Variants in B4GALNT2 observed in about 807,000 individuals in gnomAD.
The protein encoded by B4GALNT2 is N-acetylneuraminylgalactosylglucosyl-glucoside beta-1,4-N- acetylgalactosaminyltransferase 2.
In B4GALNT2, 42 loss-of-function variants were observed where a neutral mutation model predicts 51.1. The ratio of observed to expected loss-of-function variants is 0.82; its 90% CI spans 0.64 to 1.06. The LOEUF (loss-of-function observed/expected upper bound fraction) is 1.06. B4GALNT2 is among the 50% of genes least tolerant of loss of function. The pLI, the probability that B4GALNT2 is intolerant of heterozygous loss-of-function variation, is 0.00. For synonymous variants in B4GALNT2, 253 were observed against 251.7 expected (o/e 1.01, Z -0.05); for missense variants, 602 against 633.6 (o/e 0.95, Z 0.54).
At chr17:49,159,953 C>A (rs1295624569) in intron 6 of B4GALNT2, among the ~76,000 whole-genome samples, 1 of 152,058 alleles carries the variant, frequency 6.6e-6, no homozygotes, top group Admixed American at 6.6e-5. Flanking sequence ...CTTTGTCTCT[C>A]CCCTCCTTCC....
chr17:49,133,935 AAAC>A (rs1163863049), intron 1 of B4GALNT2, among the ~76,000 whole-genome samples: 3 of 141,990 alleles, frequency 2.1e-5, no homozygotes, highest in African/African-American at 9.3e-5. Context: ...CAAACAAAAC[AAAC>A]AAACAAACAA....
chr17:49,168,804 G>C lies in B4GALNT2; in HGVS notation c.1219G>C (p.Val407Leu). Residue 407 changes from valine to leucine, a missense_variant, in exon 10 of 11, where the codon GTG becomes CTG. Transcript: ENST00000393354. ...ACCCCTGGATGGCTTCCCCAGCTGC[G>C]TGGTGACCAGTGGCGTGGTCAACTT... Reference protein sequence around the residue: ...FQPLDGFPSCVVTSGVVNFFL... With the variant: ...FQPLDGFPSCLVTSGVVNFFL... The C allele has an allele frequency of 6.2e-7, 1 of 1,613,986 alleles. No individual in the cohort carries two copies. Among genetic ancestry groups the C allele is most frequent in the South Asian group, 1.1e-5 (1 of 91,072 alleles).
Position 49,176,201 on chromosome 17 carries a change from T to C in B4GALNT2, c.*6473T>C, listed in dbSNP as rs1466995842. On this transcript the variant is annotated 3_prime_UTR_variant, in exon 11 of 11. Coordinates refer to ENST00000393354, the MANE Select transcript of B4GALNT2 (RefSeq NM_001159387.2). Reference sequence around the variant, plus strand: ...GTTCAAGCCCCACGTTGGGCGCCACTTGCCGACACCAGCTCGGTCTTGGAG... The same window carrying C: ...GTTCAAGCCCCACGTTGGGCGCCACCTGCCGACACCAGCTCGGTCTTGGAG... 3 of 152,210 alleles carry C rather than the reference T, an allele frequency of 2.0e-5. No individual in the cohort carries two copies. 9.4% of individuals were successfully genotyped at this position (152,210 alleles called of 1,614,324 possible).
At position 49,173,306 on chromosome 17, in the gene B4GALNT2, T is replaced by C. The variant is rs1480143585; in HGVS notation, c.*3578T>C. The C allele has an allele frequency of 6.6e-6, 1 of 152,238 alleles. No individual in the cohort carries two copies. Among genetic ancestry groups the C allele is most frequent in the Non-Finnish European group, 1.5e-5 (1 of 68,038 alleles). 9.4% of individuals were successfully genotyped at this position (152,238 alleles called of 1,614,324 possible). ...CATGTATGAAGAATCAGAAATCACA[T>C]TGATAGGCCTATTAAAAGCAGTCAA... On this transcript the variant is annotated 3_prime_UTR_variant, in exon 11 of 11. Transcript: ENST00000393354.
upstream of B4GALNT2, chr17:49,132,590 G>C (rs559835288): frequency 2.2e-6 from 1 of 463,070 alleles, no homozygotes; most frequent in African/African-American, 2.0e-5. Flanking sequence ...CCCGATCACC[G>C]GCAGCGGAGG....
intron 1 of B4GALNT2, among the ~76,000 whole-genome samples, chr17:49,135,430 C>G (rs1452220017): frequency 6.6e-6 from 1 of 151,680 alleles, no homozygotes; most frequent in Non-Finnish European, 1.5e-5. Flanking sequence ...AGGTGCGTGC[C>G]ACCATGCCCG....
At chr17:49,133,155 G>GAACT (rs762883007) in intron 1 of B4GALNT2, 40 of 1,532,532 alleles carry the variant, frequency 2.6e-5, no homozygotes, top group Non-Finnish European at 3.3e-5. Context: ...TCTCTGCTTG[G>GAACT]AACTCAGAGG....
upstream of B4GALNT2, among the ~76,000 whole-genome samples, chr17:49,130,935 T>C (rs376218667): frequency 9.2e-5 from 14 of 152,308 alleles, no homozygotes; most frequent in Admixed American, 3.3e-4. Flanking sequence ...TCTTCAGCAT[T>C]TGGGGGTCTC....
chr17:49,168,998 C>T (rs1175393082), intron 10 of B4GALNT2, 98 bp downstream of exon 10: 35 of 1,268,224 alleles, frequency 2.8e-5, no homozygotes, highest in South Asian at 4.3e-5. Flanking sequence ...TGATCATAGT[C>T]GCTTGCCCAG....
chr17:49,162,912 CA>C (rs34568226), intron 7 of B4GALNT2, among the ~76,000 whole-genome samples: 42 of 53,630 alleles, frequency 7.8e-4, no homozygotes, highest in African/African-American at 3.1e-3. Flanking sequence ...GAAACTGTCT[CA>C]AAAAAAAAAA....
At chr17:49,148,118 G>A (rs992498171) in intron 3 of B4GALNT2, among the ~76,000 whole-genome samples, 11 of 151,706 alleles carry the variant, frequency 7.3e-5, no homozygotes, top group Non-Finnish European at 8.8e-5. Flanking sequence ...TGGCCAACAT[G>A]GTGAAACCCT....
upstream of B4GALNT2, among the ~76,000 whole-genome samples, chr17:49,131,462 GAAAAAAAAAAAA>G (rs367790096): frequency 5.0e-5 from 5 of 100,284 alleles, no homozygotes; most frequent in Admixed American, 1.2e-4. Flanking sequence ...CCCAGACTCC[GAAAAAAAAAAAA>G]AAAAAAAAAA....
At position 49,173,222 on chromosome 17, in the gene B4GALNT2, AG is replaced by A. The variant is rs1214675664; in HGVS notation, c.*3495del. 2 of 152,274 alleles carry A rather than the reference AG, an allele frequency of 1.3e-5. No homozygotes were observed. The highest frequency in any genetic ancestry group is 2.9e-5 in the Non-Finnish European group (2 of 68,054). 9.4% of individuals were successfully genotyped at this position (152,274 alleles called of 1,614,324 possible). On this transcript the variant is annotated 3_prime_UTR_variant, in exon 11 of 11. Transcript: ENST00000393354. ...TTGCAATTGGGTAAATAAAGCCATC[AG>A]TTGCTCATCTGTGTGGAATCGTAGT...
intron 1 of B4GALNT2, among the ~76,000 whole-genome samples, chr17:49,138,986 G>A (rs545683084): frequency 4.8e-4 from 73 of 152,288 alleles, no homozygotes; most frequent in African/African-American, 1.7e-3. Flanking sequence ...TTGGCAGGGG[G>A]TCTAGAACAT....
In B4GALNT2 at chr17:49,153,507, A is replaced by ATTTT. The variant is rs569207630; in HGVS notation, c.460+612_460+615dup. On this transcript the variant is annotated intron_variant, in intron 4 of 10. Coordinates refer to ENST00000393354, the MANE Select transcript of B4GALNT2 (RefSeq NM_001159387.2). ...AGCACAAGGCAAGAAGCTTGATGTG[A>ATTTT]TTTTTTTTTTTTTTATTGCGACGGA... 3.3e-3 allele frequency among the ~76,000 whole-genome samples: 487 copies of ATTTT among 146,006 alleles called. 3 individuals carry two copies. Among genetic ancestry groups the ATTTT allele is most frequent in the African/African-American group, 0.011 (436 of 40,056 alleles).
In B4GALNT2 at chr17:49,169,894, A is replaced by G; in HGVS notation, c.*166A>G. 1 of 633,204 alleles carries G rather than the reference A, an allele frequency of 1.6e-6. No individual in the cohort carries two copies. Among genetic ancestry groups the G allele is most frequent in the Non-Finnish European group, 2.6e-6 (1 of 388,894 alleles). The allele number at this position is 633,204 out of a possible 1,614,324, so 39.2% of individuals were successfully genotyped here. A position where few individuals can be genotyped will look rare whatever the true frequency, so the allele number is the denominator to read the frequency against. Reference sequence around the variant, plus strand: ...AAGTACCAATCAAAGGTGAAGGGTCACTGGAAATGAACCAGTCACTGACCA... The same window carrying G: ...AAGTACCAATCAAAGGTGAAGGGTCGCTGGAAATGAACCAGTCACTGACCA... On this transcript the variant is annotated 3_prime_UTR_variant, in exon 11 of 11. Transcript: ENST00000393354.
chr17:49,157,326 AT>A (rs34444544), intron 5 of B4GALNT2, among the ~76,000 whole-genome samples: 11,270 of 146,598 alleles, frequency 0.077, 513 homozygotes, highest in South Asian at 0.14. Flanking sequence ...AACCTGGTTA[AT>A]TTTTTTTTTT....
intron 9 of B4GALNT2, among the ~76,000 whole-genome samples, chr17:49,167,899 C>G (rs2042925483): frequency 1.3e-5 from 2 of 152,130 alleles, no homozygotes; most frequent in African/African-American, 4.8e-5. Context: ...TGTGAGCCAC[C>G]ACGCCCAGCC....
chr17:49,133,349 C>A, intron 1 of B4GALNT2: 2 of 1,076,352 alleles, frequency 1.9e-6, no homozygotes, highest in Non-Finnish European at 2.5e-6. Flanking sequence ...CACCGCAGGG[C>A]AGAGTGAGCT....
Sources: allele counts gnomAD v4.1 joint callset (sites outside exome capture counted in the v4.1 genomes callset), GRCh38; gene constraint gnomAD v4.1.1; transcripts MANE v1.5; gene names NCBI Gene and HGNC (gene_info 2026-07-23, HGNC 2026-07-21).